Variants in TPST1 observed in about 807,000 individuals in gnomAD.
TPST1 encodes the protein protein-tyrosine sulfotransferase 1.
A neutral mutation model predicts 34.8 loss-of-function variants in TPST1; 20 were observed. The observed-to-expected ratio is 0.57, with a 90% CI of 0.40 to 0.84. TPST1 has a LOEUF of 0.84. Ranked by LOEUF, TPST1 falls within the 40% of genes least tolerant of loss-of-function variation. TPST1 has a pLI of 0.00. For missense variants in TPST1, 353 were observed against 455.5 expected (o/e 0.78, Z 2.05); for synonymous variants, 152 against 159.4 (o/e 0.95, Z 0.35).
At chr7:66,354,171 G>A (rs1380057844) in intron 4 of TPST1, among the ~76,000 whole-genome samples, 1 of 152,072 alleles carries the variant, frequency 6.6e-6, no homozygotes, top group African/African-American at 2.4e-5. Flanking sequence ...CGACCACCTC[G>A]TGCAGACAAG....
At chr7:66,334,092 T>C (rs1326408966) in intron 3 of TPST1, among the ~76,000 whole-genome samples, 1 of 152,044 alleles carries the variant, frequency 6.6e-6, no homozygotes. Context: ...ATTAGAAACA[T>C]CAAGTATTAC....
At chr7:66,321,213 G>T (rs970328057) in intron 3 of TPST1, among the ~76,000 whole-genome samples, 4 of 152,246 alleles carry the variant, frequency 2.6e-5, no homozygotes, top group African/African-American at 7.2e-5. Context: ...TCTCAGTGGA[G>T]TCAGACAGGA....
intron 1 of TPST1, among the ~76,000 whole-genome samples, chr7:66,220,978 C>G (rs940121493): frequency 6.6e-6 from 1 of 151,818 alleles, no homozygotes; most frequent in African/African-American, 2.4e-5. Flanking sequence ...ACTAAAAATG[C>G]AAAAATTAGC....
intron 3 of TPST1, among the ~76,000 whole-genome samples, chr7:66,324,800 C>CAAAAAAAAAAAAA (rs56389964): frequency 4.5e-4 from 49 of 109,240 alleles, no homozygotes; most frequent in South Asian, 9.6e-4. Context: ...GACTCTGTCT[C>CAAAAAAAAAAAAA]AAAAAAAAAA....
chr7:66,254,843 C>T (rs1790350413), intron 2 of TPST1, among the ~76,000 whole-genome samples: 1 of 152,138 alleles, frequency 6.6e-6, no homozygotes, highest in Non-Finnish European at 1.5e-5. Context: ...TAGTAAGCAA[C>T]CTTATTTTAA....
intron 1 of TPST1, among the ~76,000 whole-genome samples, chr7:66,216,786 G>A (rs1789421210): frequency 6.6e-6 from 1 of 152,152 alleles, no homozygotes; most frequent in African/African-American, 2.4e-5. Context: ...TCTTTTTCTA[G>A]TTTCTTAAGG....
At chr7:66,340,062 G>A (rs1169257184) in intron 3 of TPST1, among the ~76,000 whole-genome samples, 1 of 152,076 alleles carries the variant, frequency 6.6e-6, no homozygotes, top group Admixed American at 6.6e-5. Context: ...TCGGTGAGGT[G>A]TAGTGGCTCA....
At chr7:66,229,511 A>T (rs896407397) in intron 1 of TPST1, among the ~76,000 whole-genome samples, 1 of 152,228 alleles carries the variant, frequency 6.6e-6, no homozygotes, top group African/African-American at 2.4e-5. Flanking sequence ...CTATTCCAGC[A>T]GTGAATATGT....
chr7:66,241,822 T>G (rs1001537949), intron 2 of TPST1, among the ~76,000 whole-genome samples: 4 of 152,230 alleles, frequency 2.6e-5, no homozygotes, highest in African/African-American at 9.7e-5. Flanking sequence ...ACAGTAAGAT[T>G]AAAACGATTT....
At chr7:66,324,600 A>G (rs1392798592) in intron 3 of TPST1, among the ~76,000 whole-genome samples, 1 of 152,092 alleles carries the variant, frequency 6.6e-6, no homozygotes, top group Non-Finnish European at 1.5e-5. Flanking sequence ...TGAGGTCAGG[A>G]GTTCAAGACC....
chr7:66,354,463 C>A (rs1792541751), intron 4 of TPST1, among the ~76,000 whole-genome samples: 1 of 128,304 alleles, frequency 7.8e-6, no homozygotes, highest in Admixed American at 1.0e-4. Context: ...AAATAATTAG[C>A]AAGACTTGGT....
chr7:66,344,017 A>G (rs931749704), intron 3 of TPST1, among the ~76,000 whole-genome samples: 3 of 152,266 alleles, frequency 2.0e-5, no homozygotes, highest in South Asian at 2.1e-4. Flanking sequence ...GGAAAGGACA[A>G]TAGATAACCT....
intron 2 of TPST1, among the ~76,000 whole-genome samples, chr7:66,248,676 T>TG (rs1790202406): frequency 6.6e-6 from 1 of 151,844 alleles, no homozygotes; most frequent in Non-Finnish European, 1.5e-5. Context: ...GCTAATTTTT[T>TG]TTTTGTGTGT....
At position 66,284,197 on chromosome 7, in the gene TPST1, A is replaced by G. The variant is rs918278967; in HGVS notation, c.846-2314A>G. ...ATTATACTTTTTCTTCAAATCATTTATTCAATCATAATGATAAATATGGCT... is the reference window on the plus strand; with the variant it reads ...ATTATACTTTTTCTTCAAATCATTTGTTCAATCATAATGATAAATATGGCT... On this transcript the variant is annotated intron_variant, in intron 2 of 5. Coordinates refer to ENST00000304842, the MANE Select transcript of TPST1 (RefSeq NM_003596.4). 6.6e-5 allele frequency among the ~76,000 whole-genome samples: 10 copies of G among 152,200 alleles called. No homozygotes were observed. In the South Asian group the frequency reaches 8.3e-4, roughly 13 times the overall value.
At chr7:66,344,576 C>A (rs1051698601) in intron 3 of TPST1, among the ~76,000 whole-genome samples, 7 of 151,978 alleles carry the variant, frequency 4.6e-5, no homozygotes, top group African/African-American at 1.5e-4. Context: ...CTGCGCCTGG[C>A]TAATTTTTGT....
At chr7:66,271,477 T>G (rs1790704442) in intron 2 of TPST1, among the ~76,000 whole-genome samples, 1 of 152,140 alleles carries the variant, frequency 6.6e-6, no homozygotes. Flanking sequence ...GTGCCTGGCT[T>G]GTTTATTTTA....
intron 1 of TPST1, among the ~76,000 whole-genome samples, chr7:66,207,875 A>C (rs2116196696): frequency 6.6e-6 from 1 of 152,170 alleles, no homozygotes; most frequent in South Asian, 2.1e-4. Context: ...TACTCTAGAA[A>C]CCTTAAAATC....
At chr7:66,352,059 G>A (rs1792490329) in intron 3 of TPST1, among the ~76,000 whole-genome samples, 1 of 152,052 alleles carries the variant, frequency 6.6e-6, no homozygotes, top group African/African-American at 2.4e-5. Flanking sequence ...GAGAATTCTG[G>A]GTAAATTGAG....
intron 3 of TPST1, among the ~76,000 whole-genome samples, chr7:66,318,708 G>A (rs529811981): frequency 7.2e-5 from 11 of 152,102 alleles, no homozygotes; most frequent in East Asian, 1.9e-4. Context: ...CATGTGACTC[G>A]CCGCCTTGGC....
Sources: allele counts gnomAD v4.1 joint callset (sites outside exome capture counted in the v4.1 genomes callset), GRCh38; gene constraint gnomAD v4.1.1; transcripts MANE v1.5; gene names NCBI Gene and HGNC (gene_info 2026-07-23, HGNC 2026-07-21).